DOK6: variants seen among roughly 807,000 people sequenced by gnomAD.
The protein encoded by DOK6 is downstream of tyrosine kinase 6.
Under a neutral mutation model 44.0 loss-of-function variants are expected in DOK6, and 22 were observed. The ratio of observed to expected loss-of-function variants is 0.50; its 90% CI spans 0.36 to 0.71. The LOEUF is 0.71. DOK6 is among the 30% of genes least tolerant of loss of function. The pLI is 0.00. For missense variants in DOK6, 340 were observed against 416.4 expected, an observed-to-expected ratio of 0.82 and a Z score of 1.60; for synonymous variants, 166 against 145.5, an observed-to-expected ratio of 1.14 and a Z score of -1.01.
intron 7 of DOK6, among the ~76,000 whole-genome samples, chr18:69,779,725 T>A (rs1420662491): frequency 2.0e-5 from 3 of 151,536 alleles, no homozygotes; most frequent in Non-Finnish European, 4.4e-5. Flanking sequence ...TGTGTGCATG[T>A]GTGTGTATTT....
At chr18:69,790,951 A>AACT (rs1286757839) in intron 7 of DOK6, among the ~76,000 whole-genome samples, 1 of 122,584 alleles carries the variant, frequency 8.2e-6, no homozygotes, top group African/African-American at 3.2e-5. Flanking sequence ...ATCCTCTAGT[A>AACT]ACCACCATTC....
At chr18:69,498,106 A>G (rs1268734674) in intron 1 of DOK6, among the ~76,000 whole-genome samples, 1 of 152,180 alleles carries the variant, frequency 6.6e-6, no homozygotes, top group East Asian at 1.9e-4. Context: ...TGTGACTCTT[A>G]AAGAAAGAAT....
At chr18:69,508,477 C>A (rs1459793922) in intron 1 of DOK6, among the ~76,000 whole-genome samples, 2 of 152,112 alleles carry the variant, frequency 1.3e-5, no homozygotes, top group Non-Finnish European at 2.9e-5. Context: ...ATCATCTGTA[C>A]CTTTCCAATT....
intron 2 of DOK6, among the ~76,000 whole-genome samples, chr18:69,580,442 G>A (rs1983340758): frequency 1.3e-5 from 2 of 152,176 alleles, no homozygotes; most frequent in South Asian, 4.1e-4. Context: ...ACCAACTGGA[G>A]AATACTCTGC....
At chr18:69,564,031 A>T (rs1452085832) in intron 1 of DOK6, among the ~76,000 whole-genome samples, 1 of 152,234 alleles carries the variant, frequency 6.6e-6, no homozygotes, top group Admixed American at 6.5e-5. Flanking sequence ...CTGCTTTCAA[A>T]ATTACTAATG....
intron 1 of DOK6, among the ~76,000 whole-genome samples, chr18:69,417,437 A>T (rs1291281708): frequency 6.6e-6 from 1 of 152,134 alleles, no homozygotes; most frequent in African/African-American, 2.4e-5. Flanking sequence ...TTGTGTATAT[A>T]TACCACATTT....
chr18:69,445,943 A>G (rs1979275285), intron 1 of DOK6, among the ~76,000 whole-genome samples: 1 of 152,112 alleles, frequency 6.6e-6, no homozygotes, highest in Admixed American at 6.6e-5. Flanking sequence ...GATCTGTAGT[A>G]ATGCCTCTAC....
At chr18:69,555,746 G>A (rs185628490) in intron 1 of DOK6, among the ~76,000 whole-genome samples, 8 of 152,182 alleles carry the variant, frequency 5.3e-5, no homozygotes, top group Admixed American at 1.3e-4. Flanking sequence ...CTCATGTTCC[G>A]TGTGAGCTTG....
intron 5 of DOK6, among the ~76,000 whole-genome samples, chr18:69,716,711 A>AAG (rs1986891698): frequency 6.6e-6 from 1 of 150,458 alleles, no homozygotes; most frequent in African/African-American, 2.4e-5. Context: ...AAAAAAAAAA[A>AAG]AAGTCTTCTG....
At chr18:69,478,093 A>G (rs1186408956) in intron 1 of DOK6, among the ~76,000 whole-genome samples, 1 of 152,216 alleles carries the variant, frequency 6.6e-6, no homozygotes, top group Non-Finnish European at 1.5e-5. Context: ...CATTGCATTG[A>G]TAAACTAATC....
At position 69,780,340 on chromosome 18, in the gene DOK6, C is replaced by T. The variant is rs139577915; in HGVS notation, c.856+22467C>T. Among the ~76,000 whole-genome samples the T allele has an allele frequency of 2.3e-3, 349 of 152,202 alleles. 1 individual carries two copies. Among genetic ancestry groups the T allele is most frequent in the African/African-American group, 8.0e-3 (332 of 41,524 alleles). On this transcript the variant is annotated intron_variant, in intron 7 of 7. Coordinates refer to ENST00000382713, the MANE Select transcript of DOK6 (RefSeq NM_152721.6). ...GGCACGGTGGCTCATGCCTGTAATC[C>T]CAGCACTTTGGGAGGTTGAGGTGGG...
chr18:69,757,747 C>G lies in DOK6; in HGVS notation c.739-9C>G. On this transcript the variant is annotated splice_polypyrimidine_tract_variant and intron_variant, in intron 6 of 7. Transcript: ENST00000382713. ...AACGAGGCCTAAAACACATTCTTTT[C>G]TCTTTTAGCTTCAGACAAGCTTGAC... 6.2e-7 allele frequency: 1 copy of G among 1,610,710 alleles called. No individual in the cohort carries two copies. Among genetic ancestry groups the G allele is most frequent in the Admixed American group, 1.7e-5 (1 of 59,990 alleles).
At position 69,725,291 on chromosome 18, in the gene DOK6, G is replaced by A. The variant is rs532560843; in HGVS notation, c.600-13674G>A. 4.6e-5 allele frequency among the ~76,000 whole-genome samples: 7 copies of A among 152,268 alleles called. No individual in the cohort carries two copies. In the Middle Eastern group the frequency reaches 0.014, roughly 296 times the overall value. On this transcript the variant is annotated intron_variant, in intron 5 of 7. Transcript: ENST00000382713. ...CTGGGCAGAGCGCCTTGCATGCAAC[G>A]AGGGATGGATAAGCGTTTGTTGAAT...
At chr18:69,536,187 T>C (rs1418588874) in intron 1 of DOK6, among the ~76,000 whole-genome samples, 1 of 152,160 alleles carries the variant, frequency 6.6e-6, no homozygotes, top group African/African-American at 2.4e-5. Flanking sequence ...CAAGCCCTTC[T>C]TGAAACACTT....
At chr18:69,459,581 A>G (rs923057465) in intron 1 of DOK6, among the ~76,000 whole-genome samples, 1 of 152,218 alleles carries the variant, frequency 6.6e-6, no homozygotes, top group African/African-American at 2.4e-5. Context: ...TGTTTCCAGG[A>G]CTTGTGCTCA....
intron 3 of DOK6, among the ~76,000 whole-genome samples, chr18:69,641,272 C>CTA (rs1194274771): frequency 9.2e-5 from 14 of 151,908 alleles, no homozygotes; most frequent in African/African-American, 3.1e-4. Context: ...TGAAGTAGTG[C>CTA]TAATGCTGTT....
intron 3 of DOK6, among the ~76,000 whole-genome samples, chr18:69,654,518 T>G (rs528130600): frequency 6.6e-6 from 1 of 152,264 alleles, no homozygotes; most frequent in South Asian, 2.1e-4. Context: ...ATAAAAGAAA[T>G]AGCAAAATTT....
rs112402069 is a variant in DOK6, at chr18:69,778,726, T to G, written c.856+20853T>G. 4.7e-3 allele frequency among the ~76,000 whole-genome samples: 712 copies of G among 152,164 alleles called. 3 individuals carry two copies. Among genetic ancestry groups the G allele is most frequent in the Admixed American group, 7.0e-3 (107 of 15,276 alleles). ...CATAGTAGGAAGAAAATCTATAACA[T>G]CTAAAAATGAAAAATCAAAACCCAG... On this transcript the variant is annotated intron_variant, in intron 7 of 7. Coordinates refer to ENST00000382713, the MANE Select transcript of DOK6 (RefSeq NM_152721.6).
intron 1 of DOK6, among the ~76,000 whole-genome samples, chr18:69,496,292 G>A (rs955002555): frequency 2.0e-5 from 3 of 152,230 alleles, no homozygotes; most frequent in African/African-American, 7.2e-5. Flanking sequence ...TGGGATGCCC[G>A]GGTCCACAGC....
Sources: allele counts gnomAD v4.1 joint callset (sites outside exome capture counted in the v4.1 genomes callset), GRCh38; gene constraint gnomAD v4.1.1; transcripts MANE v1.5; gene names NCBI Gene and HGNC (gene_info 2026-07-23, HGNC 2026-07-21).